C8orf89: variants seen among roughly 807,000 people sequenced by gnomAD.
The protein encoded by C8orf89 is chromosome 8 open reading frame 89.
In C8orf89, 14 loss-of-function variants were observed where a neutral mutation model predicts 15.8. The observed-to-expected ratio is 0.89, with a 90% confidence interval of 0.59 to 1.39. The LOEUF is 1.39. Among genes scored for constraint, C8orf89 ranks in the 40% most tolerant of loss-of-function variants. C8orf89 has a pLI of 0.00. For missense variants in C8orf89, 181 were observed against 184.5 expected, an observed-to-expected ratio of 0.98 and a Z score of 0.11; for synonymous variants, 55 against 62.2, an observed-to-expected ratio of 0.88 and a Z score of 0.54.
intron 1 of C8orf89, 29 bp downstream of exon 1, chr8:73,259,303 C>A: frequency 1.4e-6 from 2 of 1,400,604 alleles, no homozygotes; most frequent in Non-Finnish European, 1.9e-6. Flanking sequence ...TCTATGTTTT[C>A]TTAAGGAAAA....
chr8:73,259,571 G>T, upstream of C8orf89: 1 of 608,278 alleles, frequency 1.6e-6, no homozygotes, highest in Non-Finnish European at 2.5e-6. Flanking sequence ...GTGTCATAAT[G>T]TTTCTCTTTC....
At chr8:73,275,231 CTTTTTTTTTTTTTT>C in the C8orf89 span, among the ~76,000 whole-genome samples, 5 of 84,744 alleles carry the variant, frequency 5.9e-5, no homozygotes, top group Admixed American at 1.5e-4. Flanking sequence ...TGTAATAGTT[CTTTTTTTTTTTTTT>C]TTTTTTTTTT....
the C8orf89 span, chr8:73,277,996 G>A: frequency 7.8e-5 from 47 of 602,858 alleles, no homozygotes; most frequent in Non-Finnish European, 1.3e-4. Flanking sequence ...CTCTTGCACC[G>A]AGGGACCACA....
At chr8:73,261,784 G>A (rs918016532), upstream of C8orf89, among the ~76,000 whole-genome samples, 3 of 152,076 alleles carry the variant, frequency 2.0e-5, no homozygotes, top group Non-Finnish European at 2.9e-5. Context: ...AAAGGGAAGG[G>A]GAGAATCCAG....
At chr8:73,246,789 T>C (rs1420807401) in intron 3 of C8orf89, among the ~76,000 whole-genome samples, 1 of 152,212 alleles carries the variant, frequency 6.6e-6, no homozygotes, top group East Asian at 1.9e-4. Flanking sequence ...CAAGGAAAAG[T>C]TCATGAACAT....
upstream of C8orf89, among the ~76,000 whole-genome samples, chr8:73,263,384 G>C (rs949016999): frequency 1.3e-5 from 2 of 152,012 alleles, no homozygotes; most frequent in African/African-American, 4.8e-5. Flanking sequence ...GTGTGGTGGT[G>C]CACACCTGTA....
intron 3 of C8orf89, among the ~76,000 whole-genome samples, chr8:73,245,856 C>A (rs566656993): frequency 2.0e-5 from 3 of 152,244 alleles, no homozygotes; most frequent in African/African-American, 7.2e-5. Flanking sequence ...AAACAAGTAA[C>A]CCAAATGAAT....
chr8:73,268,249 G>T, the C8orf89 span, among the ~76,000 whole-genome samples: 5 of 152,180 alleles, frequency 3.3e-5, no homozygotes, highest in African/African-American at 1.2e-4. Flanking sequence ...GGAGGCCGAG[G>T]CAGGCAGATC....
At chr8:73,277,820 A>G in the C8orf89 span, 11 of 717,298 alleles carry the variant, frequency 1.5e-5, 1 homozygote, top group African/African-American at 1.4e-4. Flanking sequence ...CCATAATCAC[A>G]GGTCCATTTT....
chr8:73,260,284 G>C, upstream of C8orf89, among the ~76,000 whole-genome samples: 1 of 151,662 alleles, frequency 6.6e-6, no homozygotes, highest in East Asian at 1.9e-4. Flanking sequence ...ACTATCGCAA[G>C]GACAAAAAAA....
the C8orf89 span, among the ~76,000 whole-genome samples, chr8:73,280,770 T>C: frequency 6.8e-6 from 1 of 147,242 alleles, no homozygotes; most frequent in African/African-American, 2.5e-5. Flanking sequence ...CATACATACA[T>C]ACATATATAC....
chr8:73,281,533 G>C, the C8orf89 span, among the ~76,000 whole-genome samples: 3 of 152,194 alleles, frequency 2.0e-5, no homozygotes, highest in South Asian at 6.2e-4. Context: ...GGGAGGTAGT[G>C]GGGAGGAGTA....
chr8:73,279,298 G>T, the C8orf89 span, among the ~76,000 whole-genome samples: 1 of 152,190 alleles, frequency 6.6e-6, no homozygotes, highest in South Asian at 2.1e-4. Context: ...TTGCTATGCA[G>T]AGAGGTTTTT....
At chr8:73,241,678 T>A in intron 3 of C8orf89, 73 bp from the exon 4 acceptor site, 1 of 1,201,346 alleles carries the variant, frequency 8.3e-7, no homozygotes, top group East Asian at 2.6e-5. Flanking sequence ...TTAAATATAA[T>A]GTGACTGAAA....
At chr8:73,243,471 T>G (rs1813053585) in intron 3 of C8orf89, among the ~76,000 whole-genome samples, 1 of 152,122 alleles carries the variant, frequency 6.6e-6, no homozygotes, top group Non-Finnish European at 1.5e-5. Flanking sequence ...AAAACACGAC[T>G]AGTTTTTGAT....
chr8:73,253,891 G>C (rs1813306148), intron 2 of C8orf89, among the ~76,000 whole-genome samples: 1 of 150,190 alleles, frequency 6.7e-6, no homozygotes, highest in African/African-American at 2.5e-5. Flanking sequence ...GGGACAATTT[G>C]ACTTCCTCTT....
At chr8:73,253,771 T>C (rs1300229146) in intron 2 of C8orf89, among the ~76,000 whole-genome samples, 1 of 149,910 alleles carries the variant, frequency 6.7e-6, no homozygotes, top group African/African-American at 2.5e-5. Flanking sequence ...GTGATTTTTG[T>C]ACATTGATTT....
chr8:73,266,131 C>A, the C8orf89 span, among the ~76,000 whole-genome samples: 2 of 152,310 alleles, frequency 1.3e-5, no homozygotes, highest in Middle Eastern at 3.4e-3. Context: ...AAAAATGATT[C>A]TTACCTTTTC....
At chr8:73,272,617 A>G in the C8orf89 span, among the ~76,000 whole-genome samples, 1 of 146,496 alleles carries the variant, frequency 6.8e-6, no homozygotes, top group South Asian at 2.2e-4. Context: ...TCCCCACCCC[A>G]TGATAGGCCC....
Sources: gnomAD v4.1 joint callset for allele counts (sites outside exome capture counted in the v4.1 genomes callset) on GRCh38, gnomAD v4.1.1 for gene constraint, MANE v1.5 for transcripts, NCBI Gene and HGNC (gene_info 2026-07-23, HGNC 2026-07-21) for gene names.